Variants in POC1B observed in about 807,000 individuals in gnomAD.
POC1B encodes POC1 centriolar protein B, also known as POC1 centriolar protein homolog B.
In POC1B, 44 loss-of-function variants were observed where a neutral mutation model predicts 60.6. That is an observed-to-expected ratio of 0.73 (90% CI 0.57 to 0.93). The LOEUF (loss-of-function observed/expected upper bound fraction) is 0.93. POC1B is among the 40% of genes least tolerant of loss of function. POC1B has a pLI of 0.00. For synonymous variants in POC1B, 180 were observed against 198.9 expected, an observed-to-expected ratio of 0.90 and a Z score of 0.80; for missense variants, 555 against 572.3, an observed-to-expected ratio of 0.97 and a Z score of 0.31.
At chr12:89,479,888 A>C (rs1310657650) in intron 4 of POC1B, among the ~76,000 whole-genome samples, 1 of 152,186 alleles carries the variant, frequency 6.6e-6, no homozygotes, top group Non-Finnish European at 1.5e-5. Flanking sequence ...AATTCATCTA[A>C]ATTTTTTTGG....
the POC1B span, among the ~76,000 whole-genome samples, chr12:89,405,441 A>G: frequency 6.6e-6 from 1 of 152,114 alleles, no homozygotes; most frequent in Non-Finnish European, 1.5e-5. Flanking sequence ...CCAGGAGTTC[A>G]AGACCAGCCT....
At chr12:89,480,669 G>A (rs1487057923) in intron 4 of POC1B, among the ~76,000 whole-genome samples, 1 of 145,350 alleles carries the variant, frequency 6.9e-6, no homozygotes, top group South Asian at 2.2e-4. Flanking sequence ...GCAAGATCTC[G>A]GCTCACTGCA....
chr12:89,430,242 GA>G (rs566724611), intron 10 of POC1B, among the ~76,000 whole-genome samples: 3 of 152,254 alleles, frequency 2.0e-5, no homozygotes, highest in African/African-American at 7.2e-5. Flanking sequence ...AAAGAACTAC[GA>G]AAGTCCTGAG....
chr12:89,436,160 G>GTCTTGATC, intron 10 of POC1B, among the ~76,000 whole-genome samples: 1 of 151,978 alleles, frequency 6.6e-6, no homozygotes, highest in South Asian at 2.1e-4. Flanking sequence ...GGCCAGGATG[G>GTCTTGATC]TCTTGATCTC....
intron 3 of POC1B, 49 bp from the exon 4 acceptor site, chr12:89,492,164 T>C (rs1869015215): frequency 1.5e-6 from 2 of 1,334,712 alleles, no homozygotes; most frequent in South Asian, 3.2e-5. Flanking sequence ...TTAATTATAG[T>C]TAATACTTAA....
At chr12:89,434,814 A>G (rs8181784) in intron 10 of POC1B, among the ~76,000 whole-genome samples, 37,249 of 152,222 alleles carry the variant, frequency 0.24, 4,886 homozygotes, top group South Asian at 0.35. Context: ...TAAGTGAATA[A>G]GGCAAAGATC....
At position 89,502,169 on chromosome 12, in the gene POC1B, T is replaced by C. The variant is rs1234215726; in HGVS notation, c.101-4827A>G. On this transcript the variant is annotated intron_variant, in intron 2 of 11. Transcript: ENST00000313546. ...TTAGAGGAAAGTGGACCTTCCAGGCTCAATAATAATTATTTAATGTCTGGA... is the reference window on the plus strand; with the variant it reads ...TTAGAGGAAAGTGGACCTTCCAGGCCCAATAATAATTATTTAATGTCTGGA... 3.5e-6 allele frequency: 4 copies of C among 1,150,020 alleles called. No homozygotes were observed. The Admixed American group carries it at 5.5e-5, about 16-fold the overall frequency. 71.2% of individuals were successfully genotyped at this position (1,150,020 alleles called of 1,614,324 possible).
chr12:89,427,779 C>T (rs2120663120), intron 10 of POC1B: 1 of 152,312 alleles, frequency 6.6e-6, no homozygotes, highest in East Asian at 1.9e-4. Context: ...TACTCAACTC[C>T]TTATGACAGA....
the POC1B span, among the ~76,000 whole-genome samples, chr12:89,408,982 G>A: frequency 3.3e-5 from 5 of 151,920 alleles, no homozygotes; most frequent in Non-Finnish European, 7.4e-5. Context: ...TTTTTTTCTT[G>A]AAAATTTGTT....
At chr12:89,524,448 G>A (rs769953502) in intron 2 of POC1B, 22 of 1,613,776 alleles carry the variant, frequency 1.4e-5, no homozygotes, top group Non-Finnish European at 1.8e-5. Context: ...CTCCTGCGGA[G>A]GCATGAAAAG....
chr12:89,499,989 G>A (rs1869467551), intron 2 of POC1B: 3 of 797,540 alleles, frequency 3.8e-6, no homozygotes, highest in African/African-American at 1.7e-5. Context: ...TTGCTTGGCC[G>A]CCGCCTGGTA....
intron 2 of POC1B, among the ~76,000 whole-genome samples, chr12:89,507,713 C>G (rs1293769652): frequency 6.6e-6 from 1 of 151,238 alleles, no homozygotes; most frequent in Non-Finnish European, 1.5e-5. Flanking sequence ...GAGGTGACAA[C>G]AAAGAACAAC....
At chr12:89,514,412 T>TTTTC (rs1165571603) in intron 2 of POC1B, among the ~76,000 whole-genome samples, 1 of 134,280 alleles carries the variant, frequency 7.4e-6, no homozygotes, top group Non-Finnish European at 1.6e-5. Flanking sequence ...CTTTTTTTTT[T>TTTTC]TTTTTTTTTT....
chr12:89,519,661 T>C (rs1242220611), intron 2 of POC1B: 1 of 152,536 alleles, frequency 6.6e-6, no homozygotes, highest in East Asian at 1.9e-4. Flanking sequence ...ACTATACAAC[T>C]TAAAAATAAG....
downstream of POC1B, among the ~76,000 whole-genome samples, chr12:89,414,920 G>A (rs1168056369): frequency 2.6e-5 from 4 of 152,224 alleles, no homozygotes; most frequent in Non-Finnish European, 5.9e-5. Context: ...TGTCTTTAGA[G>A]AAAAGGCAGT....
At chr12:89,416,539 T>C (rs983937924), downstream of POC1B, among the ~76,000 whole-genome samples, 1 of 152,142 alleles carries the variant, frequency 6.6e-6, no homozygotes, top group African/African-American at 2.4e-5. Flanking sequence ...TTTAGAACAC[T>C]ATGTGAAAGA....
At chr12:89,432,200 A>C (rs1241848154) in intron 10 of POC1B, among the ~76,000 whole-genome samples, 1 of 151,738 alleles carries the variant, frequency 6.6e-6, no homozygotes, top group African/African-American at 2.4e-5. Context: ...CCTGGGCAAC[A>C]CGGTGAAACC....
intron 4 of POC1B, among the ~76,000 whole-genome samples, chr12:89,477,251 G>A (rs990355300): frequency 4.6e-5 from 7 of 152,172 alleles, no homozygotes; most frequent in African/African-American, 1.7e-4. Context: ...TTAAGTGTTG[G>A]TCAGCATTAG....
chr12:89,516,983 A>G (rs1283159916), intron 2 of POC1B, among the ~76,000 whole-genome samples: 1 of 152,140 alleles, frequency 6.6e-6, no homozygotes, highest in Non-Finnish European at 1.5e-5. Flanking sequence ...TACATCTACA[A>G]AGACTTTTTC....
Sources: allele counts gnomAD v4.1 joint callset (sites outside exome capture counted in the v4.1 genomes callset), GRCh38; gene constraint gnomAD v4.1.1; transcripts MANE v1.5; gene names NCBI Gene and HGNC (gene_info 2026-07-23, HGNC 2026-07-21).